LIPC: variants seen among roughly 807,000 people sequenced by gnomAD.
The protein encoded by LIPC is hepatic triacylglycerol lipase.
LIPC carries 44 observed loss-of-function variants against 50.7 expected under a neutral mutation model. The observed-to-expected ratio is 0.87, with a 90% CI of 0.68 to 1.11. The LOEUF is 1.11. Among genes scored for constraint, LIPC ranks in the 50% most tolerant of loss-of-function variants. LIPC has a pLI of 0.00. For missense variants in LIPC, 697 were observed against 648.2 expected (o/e 1.08, Z -0.82); for synonymous variants, 271 against 256.4 (o/e 1.06, Z -0.54).
intron 1 of LIPC, among the ~76,000 whole-genome samples, chr15:58,449,667 G>C (rs1173641660): frequency 6.6e-6 from 1 of 151,938 alleles, no homozygotes; most frequent in Non-Finnish European, 1.5e-5. Flanking sequence ...AGCCTCCCAA[G>C]TAGATGGGAT....
intron 1 of LIPC, among the ~76,000 whole-genome samples, chr15:58,473,420 G>GC (rs1890878079): frequency 6.6e-6 from 1 of 152,154 alleles, no homozygotes; most frequent in African/African-American, 2.4e-5. Flanking sequence ...CAACAGAGAA[G>GC]CCCATTACCC....
chr15:58,561,023 T>C (rs1394822225), intron 7 of LIPC, 42 bp downstream of exon 7: 1 of 924,570 alleles, frequency 1.1e-6, no homozygotes, highest in East Asian at 2.4e-5. Context: ...GACACACTTA[T>C]TTTTCTTGCA....
intron 1 of LIPC, among the ~76,000 whole-genome samples, chr15:58,500,072 G>C (rs1891926653): frequency 1.3e-5 from 2 of 152,184 alleles, no homozygotes; most frequent in African/African-American, 2.4e-5. Flanking sequence ...GCACGGGGCA[G>C]AGTCTGATTC....
intron 1 of LIPC, among the ~76,000 whole-genome samples, chr15:58,531,792 AAAATGTAAT>A (rs1207364931): frequency 6.6e-6 from 1 of 152,218 alleles, no homozygotes; most frequent in African/African-American, 2.4e-5. Context: ...GGCAACCTCC[AAAATGTAAT>A]AAATTAATTT....
chr15:58,497,052 A>C (rs1402013516), intron 1 of LIPC, among the ~76,000 whole-genome samples: 10 of 152,232 alleles, frequency 6.6e-5, no homozygotes, highest in Admixed American at 6.5e-4. Context: ...TGCCTTTTAC[A>C]AAAGTAACTG....
In LIPC at chr15:58,538,335, C is replaced by A. The variant is rs758057124; in HGVS notation, c.91C>A (p.Pro31Thr). ...SALGQSLKPE[P>T]FGRRAQAVET... ...CCGTCCCCAATCTTATATTGCAGAG[C>A]CATTTGGAAGAAGAGCTCAAGCTGT... The change falls in exon 2 of 9, where the codon CCA becomes ACA. Residue 31 changes from proline to threonine, a missense_variant and splice_region_variant. Pro to Thr is a conservative substitution (Grantham distance 38). Transcript: ENST00000299022. 23 of 1,614,090 alleles carry A rather than the reference C, an allele frequency of 1.4e-5. No individual in the cohort carries two copies. The South Asian group carries it at 2.4e-4, about 17-fold the overall frequency.
chr15:58,501,765 A>G (rs1409563576), intron 1 of LIPC, among the ~76,000 whole-genome samples: 2 of 152,074 alleles, frequency 1.3e-5, no homozygotes, highest in Admixed American at 6.5e-5. Context: ...AAGCAAACCC[A>G]AATTTCTTTC....
intron 1 of LIPC, among the ~76,000 whole-genome samples, chr15:58,496,260 T>C (rs1339817509): frequency 6.6e-6 from 1 of 152,174 alleles, no homozygotes; most frequent in Non-Finnish European, 1.5e-5. Flanking sequence ...CATCCTACAA[T>C]GCACCAGACA....
intron 1 of LIPC, among the ~76,000 whole-genome samples, chr15:58,449,105 G>A (rs545168266): frequency 2.8e-4 from 42 of 152,254 alleles, no homozygotes; most frequent in African/African-American, 8.2e-4. Context: ...AGGAGGGAGC[G>A]ATTAGTCATG....
At chr15:58,469,205 G>C (rs551115917) in intron 1 of LIPC, among the ~76,000 whole-genome samples, 1 of 150,070 alleles carries the variant, frequency 6.7e-6, no homozygotes, top group South Asian at 2.1e-4. Flanking sequence ...CATGATCGTA[G>C]TTTACTCTAA....
intron 1 of LIPC, among the ~76,000 whole-genome samples, chr15:58,499,791 G>C (rs1328520634): frequency 6.6e-6 from 1 of 152,220 alleles, no homozygotes; most frequent in African/African-American, 2.4e-5. Flanking sequence ...CCTGGTCTAA[G>C]TGAGGTTGGA....
chr15:58,568,143 AGTT>A (rs1317506128), intron 8 of LIPC, among the ~76,000 whole-genome samples: 1 of 152,234 alleles, frequency 6.6e-6, no homozygotes, highest in African/African-American at 2.4e-5. Context: ...AAAGCAGTCT[AGTT>A]GTTGTTTCCA....
chr15:58,537,186 C>T (rs1347536386), intron 1 of LIPC, among the ~76,000 whole-genome samples: 3 of 152,194 alleles, frequency 2.0e-5, no homozygotes, highest in Non-Finnish European at 4.4e-5. Flanking sequence ...TGACATGCCA[C>T]GCCATGGAAA....
At chr15:58,486,883 C>T (rs562759117) in intron 1 of LIPC, among the ~76,000 whole-genome samples, 2 of 152,090 alleles carry the variant, frequency 1.3e-5, no homozygotes, top group East Asian at 1.9e-4. Flanking sequence ...GTGAACAGGC[C>T]CAAGAGAGAA....
At chr15:58,488,521 C>T (rs1428610013) in intron 1 of LIPC, among the ~76,000 whole-genome samples, 3 of 80,862 alleles carry the variant, frequency 3.7e-5, no homozygotes, top group Non-Finnish European at 6.2e-5. Flanking sequence ...CCAGAGTTAG[C>T]CCCCTTGGAA....
intron 1 of LIPC, among the ~76,000 whole-genome samples, chr15:58,470,473 CTT>C (rs1894753394): frequency 6.6e-6 from 1 of 151,878 alleles, no homozygotes; most frequent in Non-Finnish European, 1.5e-5. Context: ...TTAAATGTAA[CTT>C]AAAATTACTT....
rs115045858 is a variant in LIPC at position 58,461,868 on chromosome 15, C to T, written c.88+29748C>T. ...TCCGATTCCCTTCAAATTCCAGCTC[C>T]TTTAAACTTTCACACCTTACTCTGT... On this transcript the variant is annotated intron_variant, in intron 1 of 8. Coordinates refer to ENST00000299022, the MANE Select transcript of LIPC (RefSeq NM_000236.3). Among the ~76,000 whole-genome samples, 562 of 152,238 alleles carry T rather than the reference C, an allele frequency of 3.7e-3. 4 individuals are homozygous for T. Among genetic ancestry groups the T allele is most frequent in the African/African-American group, 0.013 (537 of 41,498 alleles).
chr15:58,559,702 CAAAAA>C (rs1555407236), intron 6 of LIPC, among the ~76,000 whole-genome samples: 1 of 11,506 alleles, frequency 8.7e-5, no homozygotes, highest in African/African-American at 2.1e-4. Context: ...GACCCTGTCT[CAAAAA>C]AAAAAAAAAA....
chr15:58,457,717 T>C (rs1171756739), intron 1 of LIPC, among the ~76,000 whole-genome samples: 3 of 152,256 alleles, frequency 2.0e-5, no homozygotes, highest in Non-Finnish European at 4.4e-5. Flanking sequence ...TCCCATTTGG[T>C]AATCGAAAGA....
Sources: gnomAD v4.1 joint callset for allele counts (sites outside exome capture counted in the v4.1 genomes callset) on GRCh38, gnomAD v4.1.1 for gene constraint, MANE v1.5 for transcripts, NCBI Gene and HGNC (gene_info 2026-07-23, HGNC 2026-07-21) for gene names.